SV2C: variants seen among roughly 807,000 people sequenced by gnomAD.
SV2C encodes solute carrier family 22 member B3.
SV2C carries 49 observed loss-of-function variants against 79.7 expected under a neutral mutation model. That is an observed-to-expected ratio of 0.61 (90% confidence interval 0.49 to 0.78). The LOEUF (loss-of-function observed/expected upper bound fraction) is 0.78. Ranked by LOEUF, SV2C falls within the 30% of genes least tolerant of loss-of-function variation. SV2C has a pLI of 0.00. For synonymous variants in SV2C, 334 were observed against 333.2 expected, an observed-to-expected ratio of 1.00 and a Z score of -0.03; for missense variants, 833 against 912.9, an observed-to-expected ratio of 0.91 and a Z score of 1.13.
At chr5:76,245,111 C>G (rs1395689638) in intron 4 of SV2C, among the ~76,000 whole-genome samples, 1 of 152,208 alleles carries the variant, frequency 6.6e-6, no homozygotes, top group Non-Finnish European at 1.5e-5. Flanking sequence ...TGTATGTCTA[C>G]CATCTTCAGT....
At chr5:76,207,030 C>A (rs9293679) in intron 3 of SV2C, among the ~76,000 whole-genome samples, 68,424 of 151,872 alleles carry the variant, frequency 0.45, 16,757 homozygotes, top group East Asian at 0.92. Context: ...TAACCACGTG[C>A]AAAAGAGGCA....
At chr5:76,030,284 T>C in the SV2C span, among the ~76,000 whole-genome samples, 4 of 123,980 alleles carry the variant, frequency 3.2e-5, no homozygotes, top group African/African-American at 6.2e-5. Context: ...TTTTTTTTTT[T>C]TTTTTTTTAT....
At chr5:75,911,159 G>C in the SV2C span, 2 of 1,590,572 alleles carry the variant, frequency 1.3e-6, no homozygotes, top group Non-Finnish European at 1.7e-6. Flanking sequence ...TCTGAAGCAA[G>C]CTCCTCTGAG....
intron 4 of SV2C, among the ~76,000 whole-genome samples, chr5:76,246,074 A>G (rs919919338): frequency 6.6e-6 from 1 of 152,084 alleles, no homozygotes; most frequent in African/African-American, 2.4e-5. Flanking sequence ...CAATGTACCC[A>G]TCACCATCAG....
the SV2C span, among the ~76,000 whole-genome samples, chr5:75,919,218 G>T: frequency 6.6e-6 from 1 of 152,174 alleles, no homozygotes; most frequent in Non-Finnish European, 1.5e-5. Flanking sequence ...GATCCAGATT[G>T]TCTAGAGCAA....
the SV2C span, among the ~76,000 whole-genome samples, chr5:76,054,454 A>T: frequency 6.6e-6 from 1 of 152,320 alleles, no homozygotes; most frequent in Non-Finnish European, 1.5e-5. Flanking sequence ...CAATAAACAT[A>T]TGTGTGCATG....
the SV2C span, among the ~76,000 whole-genome samples, chr5:75,857,871 C>A: frequency 6.6e-6 from 1 of 152,100 alleles, no homozygotes; most frequent in Admixed American, 6.6e-5. Context: ...GCAGCTATTA[C>A]AAATGTGATT....
chr5:76,147,446 T>C (rs1428823243), intron 2 of SV2C, among the ~76,000 whole-genome samples: 1 of 151,614 alleles, frequency 6.6e-6, no homozygotes, highest in Non-Finnish European at 1.5e-5. Flanking sequence ...AGGATGCATA[T>C]GTGGTCCCAA....
chr5:76,018,714 G>A, the SV2C span, among the ~76,000 whole-genome samples: 3 of 152,170 alleles, frequency 2.0e-5, no homozygotes, highest in Non-Finnish European at 4.4e-5. Flanking sequence ...AAGGCCAGAA[G>A]GAAGAGGTTG....
At chr5:75,867,200 T>C in the SV2C span, among the ~76,000 whole-genome samples, 5 of 152,144 alleles carry the variant, frequency 3.3e-5, no homozygotes, top group Non-Finnish European at 4.4e-5. Flanking sequence ...GAAAGCTGCC[T>C]GATGTTTGGC....
At chr5:75,984,602 T>C in the SV2C span, among the ~76,000 whole-genome samples, 8,321 of 141,266 alleles carry the variant, frequency 0.059, 271 homozygotes, top group South Asian at 0.15. Flanking sequence ...TATCTACCTA[T>C]CTATCTATCT....
chr5:76,220,978 G>A (rs1380880229), intron 4 of SV2C, among the ~76,000 whole-genome samples: 1 of 152,212 alleles, frequency 6.6e-6, no homozygotes, highest in African/African-American at 2.4e-5. Flanking sequence ...ATGTAGAGTA[G>A]CTGTTTATTC....
the SV2C span, among the ~76,000 whole-genome samples, chr5:76,010,149 G>A: frequency 1.9e-4 from 29 of 152,050 alleles, no homozygotes; most frequent in Non-Finnish European, 7.4e-5. Context: ...TGTTGAATTA[G>A]TATGTCATCT....
chr5:75,907,474 G>GGGATGGGGGGA, the SV2C span, among the ~76,000 whole-genome samples: 1 of 152,122 alleles, frequency 6.6e-6, no homozygotes, highest in Admixed American at 6.6e-5. Flanking sequence ...GCAGCGCGGT[G>GGGATGGGGGGA]GGATGGGGGG....
the SV2C span, among the ~76,000 whole-genome samples, chr5:75,899,509 G>C: frequency 6.6e-6 from 1 of 152,052 alleles, no homozygotes; most frequent in Non-Finnish European, 1.5e-5. Flanking sequence ...TTTGGAATAG[G>C]TGTGGTGTGG....
At chr5:75,958,934 G>A in the SV2C span, among the ~76,000 whole-genome samples, 1,606 of 151,976 alleles carry the variant, frequency 0.011, 27 homozygotes, top group African/African-American at 0.031. Context: ...GTACATCTGC[G>A]TAGGTGGTCT....
chr5:75,866,028 CATCCCCTGCA>C, the SV2C span, among the ~76,000 whole-genome samples: 1 of 152,184 alleles, frequency 6.6e-6, no homozygotes, highest in Non-Finnish European at 1.5e-5. Context: ...ATCAAAAATG[CATCCCCTGCA>C]GTAAGTTCTC....
rs1747877916 is a variant in SV2C, at chr5:76,298,909, A to G, written c.1618A>G (p.Thr540Ala). The change falls in exon 10 of 13, where the codon ACT becomes GCT. Residue 540 changes from threonine (T) to alanine (A), a missense_variant. By Grantham distance (58) the Thr-to-Ala change is moderately conservative. Coordinates refer to ENST00000502798, the MANE Select transcript of SV2C (RefSeq NM_014979.4). ...TYFKNCTFIDTVFDNTDFEPY... is the reference protein window; with the variant it reads ...TYFKNCTFIDAVFDNTDFEPY... ...CTTCAAGAACTGCACATTTATTGAC[A>G]CTGTTTTTGACAACACAGGTAGGTG... is the stretch of plus-strand genomic sequence containing the variant. The G allele has an allele frequency of 3.7e-6, 6 of 1,613,672 alleles. No homozygotes were observed. The highest frequency in any genetic ancestry group is 1.3e-5 in the African/African-American group (1 of 74,908).
At chr5:76,039,428 G>T in the SV2C span, among the ~76,000 whole-genome samples, 1 of 152,080 alleles carries the variant, frequency 6.6e-6, no homozygotes, top group African/African-American at 2.4e-5. Flanking sequence ...AAGCTAGAGG[G>T]GATCTTAACT....
Sources: allele counts gnomAD v4.1 joint callset (sites outside exome capture counted in the v4.1 genomes callset), GRCh38; gene constraint gnomAD v4.1.1; transcripts MANE v1.5; gene names NCBI Gene and HGNC (gene_info 2026-07-23, HGNC 2026-07-21).